The following RAPGEF2 variants were observed in gnomAD, a reference collection of about 807,000 sequenced individuals.
The protein encoded by RAPGEF2 is PDZ domain containing guanine nucleotide exchange factor (GEF) 1.
Under a neutral mutation model 186.7 loss-of-function variants are expected in RAPGEF2, and 54 were observed. The ratio of observed to expected loss-of-function variants is 0.29; its 90% CI spans 0.23 to 0.36. The LOEUF (loss-of-function observed/expected upper bound fraction) is 0.36, where lower values mean the gene tolerates loss of function less well. RAPGEF2 is among the 10% of genes least tolerant of loss of function. RAPGEF2 has a pLI of 1.00. For synonymous variants in RAPGEF2, 712 were observed against 705.9 expected (o/e 1.01, Z -0.14); for missense variants, 1,532 against 2,045.0 (o/e 0.75, Z 4.84).
intron 3 of RAPGEF2, among the ~76,000 whole-genome samples, chr4:159,210,220 CA>C (rs948011666): frequency 1.3e-5 from 2 of 151,624 alleles, no homozygotes; most frequent in African/African-American, 4.8e-5. Context: ...ATTTCATGTT[CA>C]AAAAAAGTAA....
chr4:159,356,891 ACT>A (rs140344906), intron 29 of RAPGEF2, among the ~76,000 whole-genome samples: 2,447 of 152,150 alleles, frequency 0.016, 59 homozygotes, highest in African/African-American at 0.054. Context: ...ACAGAGTGAG[ACT>A]CTGTCTCAAA....
intron 17 of RAPGEF2, among the ~76,000 whole-genome samples, chr4:159,333,877 TTC>T (rs1483175716): frequency 6.6e-6 from 1 of 152,250 alleles, no homozygotes; most frequent in Non-Finnish European, 1.5e-5. Context: ...TATCAAACAC[TTC>T]TTTTTCTTTT....
chr4:159,271,972 A>G (rs1171038609), intron 7 of RAPGEF2, among the ~76,000 whole-genome samples: 1 of 152,052 alleles, frequency 6.6e-6, no homozygotes, highest in Admixed American at 6.5e-5. Context: ...TGGTCTTACC[A>G]TGTACATTTC....
chr4:159,257,901 T>C (rs945671464), intron 7 of RAPGEF2, among the ~76,000 whole-genome samples: 1 of 152,210 alleles, frequency 6.6e-6, no homozygotes, highest in African/African-American at 2.4e-5. Flanking sequence ...GTCTTGGCTA[T>C]ATGGGCTCTT....
intron 4 of RAPGEF2, among the ~76,000 whole-genome samples, chr4:159,219,960 A>T (rs1022462103): frequency 6.6e-6 from 1 of 152,218 alleles, no homozygotes; most frequent in Non-Finnish European, 1.5e-5. Flanking sequence ...GATCCTCCTC[A>T]TGTGCTATCA....
intron 1 of RAPGEF2, among the ~76,000 whole-genome samples, chr4:159,132,277 G>T (rs1294983722): frequency 6.6e-6 from 1 of 152,222 alleles, no homozygotes; most frequent in Admixed American, 6.5e-5. Context: ...CAGAATGAAA[G>T]AGTTACTTTG....
chr4:159,293,053 AC>A (rs762502269), intron 7 of RAPGEF2, among the ~76,000 whole-genome samples: 1 of 152,208 alleles, frequency 6.6e-6, no homozygotes, highest in Non-Finnish European at 1.5e-5. Flanking sequence ...TATGAAGTAT[AC>A]TTAGCAATGT....
chr4:159,330,570 G>A, intron 13 of RAPGEF2, 72 bp downstream of exon 13: 2 of 1,110,894 alleles, frequency 1.8e-6, no homozygotes, highest in Non-Finnish European at 2.6e-6. Flanking sequence ...GTGTATATTT[G>A]TCACAGCAAT....
chr4:159,277,536 C>T (rs1427126694), intron 7 of RAPGEF2, among the ~76,000 whole-genome samples: 1 of 152,156 alleles, frequency 6.6e-6, no homozygotes, highest in Non-Finnish European at 1.5e-5. Context: ...GTTTACAGTC[C>T]CACCAACAGT....
intron 7 of RAPGEF2, among the ~76,000 whole-genome samples, chr4:159,252,767 C>G (rs931905162): frequency 6.6e-6 from 1 of 152,160 alleles, no homozygotes; most frequent in Non-Finnish European, 1.5e-5. Flanking sequence ...TTTCTAGTTG[C>G]AGCAGTTTTC....
rs74641551 is a variant in RAPGEF2 at position 159,331,389 on chromosome 4, G to A, written c.1468-42G>A. 5.8e-3 allele frequency: 6,969 copies of A among 1,201,468 alleles called. 306 individuals are homozygous for A. In the African/African-American group the frequency reaches 0.096, roughly 17 times the overall value. 74.4% of individuals were successfully genotyped at this position (1,201,468 alleles called of 1,614,324 possible). A position where few individuals can be genotyped will look rare whatever the true frequency, so the allele number is the denominator to read the frequency against. Reference sequence around the variant, plus strand: ...CTGGAATGATTTTAATCACATTTTTGGCACTAAAAAGGAAACTTATTGAAA... The same window carrying A: ...CTGGAATGATTTTAATCACATTTTTAGCACTAAAAAGGAAACTTATTGAAA... On this transcript the variant is annotated intron_variant, in intron 13 of 29. Transcript: ENST00000691494.
chr4:159,204,132 C>T (rs1749728232), intron 3 of RAPGEF2, among the ~76,000 whole-genome samples: 1 of 152,174 alleles, frequency 6.6e-6, no homozygotes, highest in Non-Finnish European at 1.5e-5. Flanking sequence ...AGGCATGATG[C>T]GCAGTTCCTG....
At chr4:159,231,402 G>A (rs377078843) in intron 4 of RAPGEF2, among the ~76,000 whole-genome samples, 2 of 151,936 alleles carry the variant, frequency 1.3e-5, no homozygotes, top group South Asian at 2.1e-4. Flanking sequence ...TATATGTTAT[G>A]TATATAATAT....
At chr4:159,110,190 T>C (rs1738333191) in intron 1 of RAPGEF2, among the ~76,000 whole-genome samples, 1 of 152,220 alleles carries the variant, frequency 6.6e-6, no homozygotes, top group African/African-American at 2.4e-5. Context: ...AATATAGTTT[T>C]CTTGATTTTT....
At position 159,323,578 on chromosome 4, in the gene RAPGEF2, C is replaced by T. The variant is rs1330172260; in HGVS notation, c.1110C>T (p.Tyr370=). 6.2e-7 allele frequency: 1 copy of T among 1,609,974 alleles called. No individual in the cohort carries two copies. Among genetic ancestry groups the T allele is most frequent in the Non-Finnish European group, 8.5e-7 (1 of 1,177,748 alleles). ...FGVSPTMDKE[Y]MKGVMRTKVD... ...TCTCTCCTACCATGGACAAAGAATA[C>T]ATGAAAGGAGTGATGAGAACAAAGG... Residue 370 remains tyrosine, a synonymous_variant, in exon 11 of 30, where the codon TAC becomes TAT. Coordinates refer to ENST00000691494, the MANE Select transcript of RAPGEF2 (RefSeq NM_001394067.2).
Position 159,352,991 on chromosome 4 carries a change from T to C in RAPGEF2, c.4091+81T>C, listed in dbSNP as rs892870336. On this transcript the variant is annotated intron_variant, in intron 27 of 29. Transcript: ENST00000691494. ...AATGAGTCTTTTCTTCCAGTGTTTG[T>C]TTTTATTTATTTTACATAATGCCTA... 7.9e-6 allele frequency: 10 copies of C among 1,260,906 alleles called. No homozygotes were observed. In the African/African-American group the frequency reaches 1.5e-4, roughly 19 times the overall value. 78.1% of individuals were successfully genotyped at this position (1,260,906 alleles called of 1,614,324 possible).
At chr4:159,344,098 T>TA (rs750245561) in intron 23 of RAPGEF2, 39 bp downstream of exon 23, 1 of 1,520,776 alleles carries the variant, frequency 6.6e-7, no homozygotes, top group Admixed American at 1.7e-5. Context: ...ACACAGTTCT[T>TA]ATTCTGCTCA....
intron 1 of RAPGEF2, among the ~76,000 whole-genome samples, chr4:159,157,218 A>G (rs1419328930): frequency 6.6e-6 from 1 of 152,186 alleles, no homozygotes; most frequent in Non-Finnish European, 1.5e-5. Flanking sequence ...ATTAACCATG[A>G]AGTTAGGACT....
intron 1 of RAPGEF2, among the ~76,000 whole-genome samples, chr4:159,160,302 A>G (rs1475008091): frequency 6.6e-6 from 1 of 152,210 alleles, no homozygotes; most frequent in Non-Finnish European, 1.5e-5. Context: ...TGTGCTTTAT[A>G]TTTTGCCTGT....
Sources: allele counts gnomAD v4.1 joint callset (sites outside exome capture counted in the v4.1 genomes callset), GRCh38; gene constraint gnomAD v4.1.1; transcripts MANE v1.5; gene names NCBI Gene and HGNC (gene_info 2026-07-23, HGNC 2026-07-21).